NINJ2: variants seen among roughly 807,000 people sequenced by gnomAD.
NINJ2 encodes the protein ninjurin-2.
Under a neutral mutation model 11.7 loss-of-function variants are expected in NINJ2, and 12 were observed. The ratio of observed to expected loss-of-function variants is 1.02; its 90% CI spans 0.66 to 1.66. The LOEUF (loss-of-function observed/expected upper bound fraction) is 1.66, where lower values mean the gene tolerates loss of function less well. Among genes scored for constraint, NINJ2 ranks in the 40% most tolerant of loss-of-function variants. The probability of loss-of-function intolerance (pLI) is 0.00; values close to 1 mark genes in which losing one functional copy is unlikely to be tolerated. For synonymous variants in NINJ2, 93 were observed against 76.8 expected, an observed-to-expected ratio of 1.21 and a Z score of -1.10; for missense variants, 187 against 181.8, an observed-to-expected ratio of 1.03 and a Z score of -0.16.
intron 1 of NINJ2, among the ~76,000 whole-genome samples, chr12:615,185 A>C (rs1948077296): frequency 1.3e-5 from 2 of 152,214 alleles, no homozygotes; most frequent in Non-Finnish European, 2.9e-5. Context: ...AGGAAGCTAC[A>C]TCCAAATCTC....
rs373419192 is a variant in NINJ2, at chr12:589,879, G to C, written c.34-23701C>G. Among the ~76,000 whole-genome samples the C allele has an allele frequency of 2.0e-5, 3 of 152,236 alleles. No homozygotes were observed. The South Asian group carries it at 6.2e-4, about 32-fold the overall frequency. On this transcript the variant is annotated intron_variant, in intron 1 of 3. Coordinates refer to ENST00000305108, the MANE Select transcript of NINJ2 (RefSeq NM_016533.6). The stretch of plus-strand genomic sequence containing the variant: ...CCTGGACTCAGTTTTCCTCCGTGGG[G>C]TGAGGCAGATGGGCTGCTGTGGCAG...
chr12:610,337 C>T, intron 1 of NINJ2: 1 of 1,535,242 alleles, frequency 6.5e-7, no homozygotes, highest in Middle Eastern at 1.7e-4. Flanking sequence ...TGGCCAGAGG[C>T]ACACTTACCA....
intron 1 of NINJ2, among the ~76,000 whole-genome samples, chr12:600,578 T>A (rs891201970): frequency 3.3e-5 from 5 of 151,228 alleles, no homozygotes; most frequent in African/African-American, 7.3e-5. Flanking sequence ...ATAATAAAAT[T>A]AAATTAAAAA....
At chr12:583,237 G>A (rs1947582735) in intron 1 of NINJ2, among the ~76,000 whole-genome samples, 1 of 151,968 alleles carries the variant, frequency 6.6e-6, no homozygotes, top group South Asian at 2.1e-4. Flanking sequence ...ATGAATGAAT[G>A]GGCGCAGGCA....
At chr12:627,505 C>T (rs754892827) in intron 1 of NINJ2, among the ~76,000 whole-genome samples, 3 of 152,134 alleles carry the variant, frequency 2.0e-5, no homozygotes, top group Non-Finnish European at 4.4e-5. Flanking sequence ...TGACGTAGCC[C>T]TTGACAAGTT....
At chr12:635,456 G>T (rs1036997054) in intron 1 of NINJ2, among the ~76,000 whole-genome samples, 4 of 152,200 alleles carry the variant, frequency 2.6e-5, no homozygotes, top group Non-Finnish European at 1.5e-5. Flanking sequence ...TTTCAGCAAG[G>T]CTTCCAAGAC....
intron 1 of NINJ2, among the ~76,000 whole-genome samples, chr12:603,140 T>G (rs1947893750): frequency 6.6e-6 from 1 of 152,200 alleles, no homozygotes; most frequent in Non-Finnish European, 1.5e-5. Context: ...CTGGGCCTGT[T>G]TGCGGTTTTG....
At chr12:600,126 G>C (rs776169761) in intron 1 of NINJ2, among the ~76,000 whole-genome samples, 1 of 152,146 alleles carries the variant, frequency 6.6e-6, no homozygotes, top group Non-Finnish European at 1.5e-5. Flanking sequence ...TCAATTCCTC[G>C]GGGCTGAATT....
At chr12:634,262 G>GTTTTTTTTTTTTTTT (rs1565643231) in intron 1 of NINJ2, among the ~76,000 whole-genome samples, 5 of 75,632 alleles carry the variant, frequency 6.6e-5, no homozygotes, top group Non-Finnish European at 8.6e-5. Flanking sequence ...ATTAGTTGCA[G>GTTTTTTTTTTTTTTT]TTCTTTTTTT....
intron 1 of NINJ2, among the ~76,000 whole-genome samples, chr12:569,089 T>C (rs1031777282): frequency 5.3e-5 from 8 of 152,224 alleles, no homozygotes; most frequent in African/African-American, 1.4e-4. Context: ...TTTCAGCTGG[T>C]GCTGGGGGCA....
chr12:621,246 A>G (rs964886763), intron 1 of NINJ2, among the ~76,000 whole-genome samples: 13 of 151,650 alleles, frequency 8.6e-5, no homozygotes, highest in Non-Finnish European at 1.5e-4. Flanking sequence ...CCAGAAGTTC[A>G]AGACCAGCCT....
chr12:599,012 AT>A (rs963459278), intron 1 of NINJ2, among the ~76,000 whole-genome samples: 6 of 151,782 alleles, frequency 4.0e-5, no homozygotes, highest in Non-Finnish European at 2.9e-5. Flanking sequence ...CAATGCTTGT[AT>A]TTTTGTTACA....
In NINJ2 at chr12:581,191, G is replaced by A. The variant is rs947885502; in HGVS notation, c.34-15013C>T. Among the ~76,000 whole-genome samples the A allele has an allele frequency of 5.3e-5, 8 of 152,084 alleles. No individual in the cohort carries two copies. The highest frequency in any genetic ancestry group is 1.9e-4 in the African/African-American group (8 of 41,448). On this transcript the variant is annotated intron_variant, in intron 1 of 3. Coordinates refer to ENST00000305108, the MANE Select transcript of NINJ2 (RefSeq NM_016533.6). The surrounding 1 kb of genome is among the most constrained non-coding windows in gnomAD (Gnocchi z 4.9). ...TGTGTGTGTGTCTGTGTGTGTGTCTGTCTCTGTGTGCGTGTGTGTGTCTAT... is the reference window on the plus strand; with the variant it reads ...TGTGTGTGTGTCTGTGTGTGTGTCTATCTCTGTGTGCGTGTGTGTGTCTAT...
At chr12:636,022 A>G (rs1238496087) in intron 1 of NINJ2, among the ~76,000 whole-genome samples, 1 of 152,146 alleles carries the variant, frequency 6.6e-6, no homozygotes, top group Non-Finnish European at 1.5e-5. Flanking sequence ...GGTTGCAGTG[A>G]GCCAAGAGTG....
intron 1 of NINJ2, among the ~76,000 whole-genome samples, chr12:659,920 C>T (rs151179402): frequency 3.9e-5 from 6 of 152,248 alleles, no homozygotes; most frequent in African/African-American, 1.4e-4. Context: ...ATGCCCAGGT[C>T]ATGTGCAAGG....
At chr12:648,512 C>T (rs1178840441) in intron 1 of NINJ2, among the ~76,000 whole-genome samples, 2 of 152,198 alleles carry the variant, frequency 1.3e-5, no homozygotes, top group African/African-American at 2.4e-5. Context: ...GGGCTAGACC[C>T]GTTCATCGGG....
intron 1 of NINJ2, among the ~76,000 whole-genome samples, chr12:587,876 A>C (rs577364066): frequency 6.6e-6 from 1 of 152,250 alleles, no homozygotes; most frequent in Admixed American, 6.5e-5. Context: ...GACACCTCTC[A>C]CCTGATCACT....
chr12:580,586 C>CA lies in NINJ2; in HGVS notation c.34-14409dup, dbSNP rs201288258. Among the ~76,000 whole-genome samples the CA allele has an allele frequency of 2.6e-4, 38 of 144,038 alleles. No individual in the cohort carries two copies. Among genetic ancestry groups the CA allele is most frequent in the East Asian group, 4.1e-4 (2 of 4,912 alleles). 94.5% of individuals were successfully genotyped at this position (144,038 alleles called of 152,430 possible). A position where few individuals can be genotyped will look rare whatever the true frequency, so the allele number is the denominator to read the frequency against. ...TGCATGACAGAGAGAGACCCTGTCT[C>CA]AAAAAAAAAAAAATATATATATATA... On this transcript the variant is annotated intron_variant, in intron 1 of 3. Coordinates refer to ENST00000305108, the MANE Select transcript of NINJ2 (RefSeq NM_016533.6). This position sits in a 1 kb window ranked among gnomAD's most constrained non-coding sequence, Gnocchi z 4.7.
rs965072187 is a variant in NINJ2 at position 615,669 on chromosome 12, C to T, written c.33+47659G>A. Among the ~76,000 whole-genome samples the T allele has an allele frequency of 1.6e-4, 24 of 152,326 alleles. No individual in the cohort carries two copies. In the South Asian group the frequency reaches 1.9e-3, roughly 12 times the overall value. On this transcript the variant is annotated intron_variant, in intron 1 of 3. Transcript: ENST00000305108. The stretch of plus-strand genomic sequence containing the variant: ...TTGGGAAGCCTTCCTCAGCTCCTAT[C>T]GGCTAAATTTATCCCTCTTTCTCAG...
Sources: gnomAD v4.1 joint callset for allele counts (sites outside exome capture counted in the v4.1 genomes callset) on GRCh38, gnomAD v4.1.1 for gene constraint, Gnocchi (gnomAD v3.1) non-coding constraint, MANE v1.5 for transcripts, NCBI Gene and HGNC (gene_info 2026-07-23, HGNC 2026-07-21) for gene names.